Variants in PRTFDC1 observed in about 807,000 individuals in gnomAD.
The protein encoded by PRTFDC1 is phosphoribosyl transferase domain containing 1.
PRTFDC1 carries 38 observed loss-of-function variants against 34.6 expected under a neutral mutation model. That is an observed-to-expected ratio of 1.10 (90% confidence interval 0.85 to 1.44). The LOEUF (loss-of-function observed/expected upper bound fraction) is 1.44, where lower values mean the gene tolerates loss of function less well. PRTFDC1 is among the 40% of genes most tolerant of loss of function. PRTFDC1 has a pLI of 0.00. For missense variants in PRTFDC1, 270 were observed against 283.0 expected, an observed-to-expected ratio of 0.95 and a Z score of 0.33; for synonymous variants, 93 against 98.1, an observed-to-expected ratio of 0.95 and a Z score of 0.31.
At chr10:24,874,284 G>A (rs1160613656) in intron 3 of PRTFDC1, among the ~76,000 whole-genome samples, 1 of 152,080 alleles carries the variant, frequency 6.6e-6, no homozygotes, top group Non-Finnish European at 1.5e-5. Flanking sequence ...ATGTTTTGCT[G>A]TTTTTGTTCA....
At chr10:24,860,366 G>A (rs1453087743) in intron 4 of PRTFDC1, among the ~76,000 whole-genome samples, 1 of 152,124 alleles carries the variant, frequency 6.6e-6, no homozygotes, top group East Asian at 1.9e-4. Flanking sequence ...GGATGACAGG[G>A]TGAGACTCCA....
At chr10:24,933,693 A>AT (rs71399941) in intron 3 of PRTFDC1, among the ~76,000 whole-genome samples, 1,844 of 136,014 alleles carry the variant, frequency 0.014, 29 homozygotes, top group African/African-American at 0.038. Context: ...GAGTTTGGCA[A>AT]TTTTTTTTTT....
At chr10:24,896,097 C>G (rs906737580) in intron 3 of PRTFDC1, among the ~76,000 whole-genome samples, 8 of 152,042 alleles carry the variant, frequency 5.3e-5, no homozygotes, top group Admixed American at 6.5e-5. Context: ...AGTAGGTGTT[C>G]TAGAACAGGG....
rs1848195029 is a variant in PRTFDC1 at position 24,887,769 on chromosome 10, AC to A, written c.340-15707del. 1.3e-5 allele frequency among the ~76,000 whole-genome samples: 2 copies of A among 150,014 alleles called. 1 individual carries two copies. Among genetic ancestry groups the A allele is most frequent in the South Asian group, 4.2e-4 (2 of 4,708 alleles). ...CATTATAAACTATCACCTGAACCTCACCCCACCACAACTGTAGGCCAGAAGT... is the reference window on the plus strand; with the variant it reads ...CATTATAAACTATCACCTGAACCTCACCCACCACAACTGTAGGCCAGAAGT... On this transcript the variant is annotated intron_variant, in intron 3 of 8. Coordinates refer to ENST00000320152, the MANE Select transcript of PRTFDC1 (RefSeq NM_020200.7).
chr10:24,883,306 T>C (rs1260954533), intron 3 of PRTFDC1, among the ~76,000 whole-genome samples: 2 of 152,114 alleles, frequency 1.3e-5, no homozygotes, highest in African/African-American at 2.4e-5. Context: ...TGTATTGTGA[T>C]TGGTATTCTA....
intron 2 of PRTFDC1, among the ~76,000 whole-genome samples, 168 bp from the exon 3 acceptor site, chr10:24,937,535 A>T (rs574253750): frequency 3.3e-5 from 5 of 150,916 alleles, no homozygotes; most frequent in Admixed American, 6.6e-5. Flanking sequence ...GGTTGAACAT[A>T]AGGTGTTCAA....
intron 4 of PRTFDC1, among the ~76,000 whole-genome samples, chr10:24,862,620 C>T (rs1190172051): frequency 6.6e-6 from 1 of 151,326 alleles, no homozygotes; most frequent in Non-Finnish European, 1.5e-5. Flanking sequence ...GGTGATCTGC[C>T]CCTCTTGGCC....
intron 4 of PRTFDC1, among the ~76,000 whole-genome samples, chr10:24,870,289 G>A (rs1411261118): frequency 6.6e-6 from 1 of 152,098 alleles, no homozygotes; most frequent in Non-Finnish European, 1.5e-5. Flanking sequence ...CGTATTTTTA[G>A]TAGAGACAGG....
intron 3 of PRTFDC1, among the ~76,000 whole-genome samples, chr10:24,912,872 A>C (rs1318022024): frequency 2.6e-5 from 4 of 151,984 alleles, no homozygotes; most frequent in Non-Finnish European, 5.9e-5. Context: ...TCTACCTCCC[A>C]TCCTAAACAT....
At chr10:24,901,644 G>A (rs974710196) in intron 3 of PRTFDC1, among the ~76,000 whole-genome samples, 3 of 152,072 alleles carry the variant, frequency 2.0e-5, no homozygotes, top group East Asian at 1.9e-4. Context: ...CGAAAGGATC[G>A]CTTGAGCCTG....
At position 24,849,024 on chromosome 10, in the gene PRTFDC1, T is replaced by G. The variant is rs1394498473; in HGVS notation, c.*820A>C. The stretch of plus-strand genomic sequence containing the variant: ...AGGAAAAATTTATACTTGCTTAGTT[T>G]CGAGCATTGAAAGCACTCGCCCCTA... On this transcript the variant is annotated 3_prime_UTR_variant, in exon 9 of 9. Coordinates refer to ENST00000320152, the MANE Select transcript of PRTFDC1 (RefSeq NM_020200.7). 6.6e-6 allele frequency: 1 copy of G among 152,220 alleles called. No individual in the cohort carries two copies. The highest frequency in any genetic ancestry group is 1.5e-5 in the Non-Finnish European group (1 of 68,028). 9.4% of individuals were successfully genotyped at this position (152,220 alleles called of 1,614,324 possible). A position where few individuals can be genotyped will look rare whatever the true frequency, so the allele number is the denominator to read the frequency against.
intron 3 of PRTFDC1, 76 bp from the exon 4 acceptor site, chr10:24,872,139 C>T: frequency 7.8e-7 from 1 of 1,284,262 alleles, no homozygotes; most frequent in African/African-American, 1.5e-5. Flanking sequence ...TCCTGTCTAC[C>T]CAGTTAGTGG....
intron 3 of PRTFDC1, among the ~76,000 whole-genome samples, chr10:24,881,019 T>C (rs12263109): frequency 9.1e-5 from 13 of 142,760 alleles, no homozygotes; most frequent in Admixed American, 4.9e-4. Context: ...CTCTCTTTCT[T>C]TCTCTCTCTC....
At chr10:24,951,689 C>T in intron 1 of PRTFDC1, 1 of 859,398 alleles carries the variant, frequency 1.2e-6, no homozygotes, top group Non-Finnish European at 1.4e-6. Flanking sequence ...AAGTTATAAC[C>T]ACCACCTTCT....
intron 3 of PRTFDC1, among the ~76,000 whole-genome samples, chr10:24,886,693 C>T (rs1848170190): frequency 6.6e-6 from 1 of 152,176 alleles, no homozygotes; most frequent in East Asian, 1.9e-4. Flanking sequence ...CTCACTGCAG[C>T]TTCGAATTCC....
chr10:24,889,215 C>A (rs1848221727), intron 3 of PRTFDC1, among the ~76,000 whole-genome samples: 1 of 152,158 alleles, frequency 6.6e-6, no homozygotes, highest in South Asian at 2.1e-4. Flanking sequence ...AAGGCACCAT[C>A]TATGGACATG....
At chr10:24,942,082 T>C (rs1187560651) in intron 2 of PRTFDC1, among the ~76,000 whole-genome samples, 1 of 152,204 alleles carries the variant, frequency 6.6e-6, no homozygotes, top group Non-Finnish European at 1.5e-5. Context: ...TTGAGGCTGT[T>C]ACTTATAATA....
At chr10:24,851,139 T>C (rs1847479507) in intron 8 of PRTFDC1, among the ~76,000 whole-genome samples, 1 of 152,202 alleles carries the variant, frequency 6.6e-6, no homozygotes. Flanking sequence ...CAAACCATAG[T>C]TCTGCTTTTA....
chr10:24,895,466 G>A (rs1196499317), intron 3 of PRTFDC1, among the ~76,000 whole-genome samples: 1 of 150,718 alleles, frequency 6.6e-6, no homozygotes, highest in African/African-American at 2.4e-5. Context: ...GCTCAGGCTG[G>A]TCTTGAACTC....
Sources: gnomAD v4.1 joint callset for allele counts (sites outside exome capture counted in the v4.1 genomes callset) on GRCh38, gnomAD v4.1.1 for gene constraint, MANE v1.5 for transcripts, NCBI Gene and HGNC (gene_info 2026-07-23, HGNC 2026-07-21) for gene names.